The following FRY variants were observed in gnomAD, a reference collection of about 807,000 sequenced individuals.
FRY encodes FRY microtubule binding protein.
Under a neutral mutation model 348.4 loss-of-function variants are expected in FRY, and 128 were observed. The ratio of observed to expected loss-of-function variants is 0.37; its 90% CI spans 0.32 to 0.43. The LOEUF (loss-of-function observed/expected upper bound fraction) is 0.43, where lower values mean the gene tolerates loss of function less well. Among genes scored for constraint, FRY ranks in the 20% least tolerant of loss-of-function variants. The pLI is 1.00. For missense variants in FRY, 2,736 were observed against 3,695.2 expected, an observed-to-expected ratio of 0.74 and a Z score of 6.73; for synonymous variants, 1,370 against 1,374.7, an observed-to-expected ratio of 1.00 and a Z score of 0.08.
chr13:32,278,606 T>C, intron 58 of FRY, 58 bp downstream of exon 58: 1 of 951,976 alleles, frequency 1.1e-6, no homozygotes. Context: ...GTATTAGTTT[T>C]GGTCTACCCA....
At chr13:32,105,710 A>T (rs1877492393) in intron 3 of FRY, among the ~76,000 whole-genome samples, 1 of 152,192 alleles carries the variant, frequency 6.6e-6, no homozygotes, top group East Asian at 1.9e-4. Context: ...GCATTTATTT[A>T]GTACTTATAT....
At chr13:32,270,005 T>G (rs1465225436) in intron 55 of FRY, among the ~76,000 whole-genome samples, 1 of 152,192 alleles carries the variant, frequency 6.6e-6, no homozygotes, top group Non-Finnish European at 1.5e-5. Flanking sequence ...TAATGTCATG[T>G]CTGAGATTAA....
chr13:32,124,332 A>G lies in FRY; in HGVS notation c.511A>G (p.Ile171Val). 1 of 1,600,250 alleles carries G rather than the reference A, an allele frequency of 6.2e-7. No individual in the cohort carries two copies. Residue 171 changes from isoleucine (I) to valine (V), a missense_variant, in exon 5 of 61, where the codon ATT becomes GTT. Ile to Val is a conservative substitution (Grantham distance 29). This residue lies in a region of FRY where 309 missense variants were observed against 418.1 expected (regional missense o/e 0.74). Transcript: ENST00000542859. ...DYLMERRDLAIDFIFSLVLIE... is the reference protein window; with the variant it reads ...DYLMERRDLAVDFIFSLVLIE... ...TTTAATGGAAAGACGGGACCTCGCC[A>G]TTGATTTTATTTTTTCTTTAGTATT...
chr13:32,231,122 G>C, intron 40 of FRY, 57 bp from the exon 41 acceptor site: 2 of 1,553,528 alleles, frequency 1.3e-6, no homozygotes, highest in Non-Finnish European at 1.8e-6. Context: ...TGTATGTGTA[G>C]TTTTAAAAAT....
intron 10 of FRY, among the ~76,000 whole-genome samples, chr13:32,135,458 TA>T (rs1220700882): frequency 6.6e-6 from 1 of 152,218 alleles, no homozygotes; most frequent in African/African-American, 2.4e-5. Flanking sequence ...ACTTGATTTT[TA>T]TTTTAATTTC....
Position 32,185,056 on chromosome 13 carries a change from T to A in FRY, c.3227T>A (p.Leu1076Gln). 1 of 1,613,856 alleles carries A rather than the reference T, an allele frequency of 6.2e-7. No individual in the cohort carries two copies. Among genetic ancestry groups the A allele is most frequent in the Non-Finnish European group, 8.5e-7 (1 of 1,179,724 alleles). ...TATGTGGACTTGACCCGCATGCTCC[T>A]AGAAGCTGAAAATGACAAAGAAGTT... The part of the protein sequence containing the change: ...LEYVDLTRML[L>Q]EAENDKEVEI... The change falls in exon 26 of 61, where the codon CTA (leucine) becomes CAA (glutamine). Residue 1076 changes from leucine to glutamine, a missense_variant. Coordinates refer to ENST00000542859, the MANE Select transcript of FRY (RefSeq NM_023037.3).
rs776850261 is a variant in FRY, at chr13:32,212,300, T to C, written c.4600T>C (p.Ser1534Pro). The C allele has an allele frequency of 2.9e-5, 46 of 1,602,438 alleles. No homozygotes were observed. The highest frequency in any genetic ancestry group is 3.8e-5 in the Non-Finnish European group (45 of 1,170,192). The change falls in exon 35 of 61, where the codon TCT becomes CCT. Residue 1534 changes from serine (S) to proline (P), a missense_variant. Physicochemically the swap from Ser to Pro is moderately conservative, Grantham distance 74 (BLOSUM62 -1). Transcript: ENST00000542859. Reference protein sequence around the residue: ...KASAAASGTTSSSNTVVAGQE... With the variant: ...KASAAASGTTPSSNTVVAGQE... ...TCCATTCCCATCTACAGGAACCACC[T>C]CTAGCAGCAATACAGTGGTTGCTGG...
Position 32,182,940 on chromosome 13 carries a change from A to G in FRY, c.2997-37A>G, listed in dbSNP as rs755610888. 1.6e-5 allele frequency: 22 copies of G among 1,398,696 alleles called. No individual in the cohort carries two copies. The East Asian group carries it at 4.8e-4, about 30-fold the overall frequency. 86.6% of individuals were successfully genotyped at this position (1,398,696 alleles called of 1,614,324 possible). ...ATTTAGTGACAAGTTTGGTGTCAAA[A>G]ACAATGAATTTCAAATTTGACCTTT... On this transcript the variant is annotated intron_variant, in intron 23 of 60. Transcript: ENST00000542859.
intron 16 of FRY, among the ~76,000 whole-genome samples, chr13:32,158,607 A>T (rs374073852): frequency 2.0e-5 from 3 of 152,202 alleles, no homozygotes; most frequent in Non-Finnish European, 2.9e-5. Context: ...TTTTCAATTT[A>T]TAATGTAGAA....
chr13:32,218,611 G>T, intron 35 of FRY, 138 bp from the exon 36 acceptor site: 1 of 617,892 alleles, frequency 1.6e-6, no homozygotes, highest in South Asian at 1.7e-5. Context: ...CCTGGAAGGC[G>T]GAGATTGCAG....
chr13:32,216,047 T>C (rs1884973989), intron 35 of FRY, among the ~76,000 whole-genome samples: 1 of 152,182 alleles, frequency 6.6e-6, no homozygotes, highest in African/African-American at 2.4e-5. Context: ...CACAAATATA[T>C]ATTAACTATC....
rs987797658 is a variant in FRY, at chr13:32,126,196, T to A, written c.716+1321T>A. On this transcript the variant is annotated intron_variant, in intron 7 of 60. Coordinates refer to ENST00000542859, the MANE Select transcript of FRY (RefSeq NM_023037.3). ...GATTGGGAAAAATGAGGTATTAACA[T>A]GTATACTTGCTGATTTGTCAAACCC... Among the ~76,000 whole-genome samples, 5 of 152,338 alleles carry A rather than the reference T, an allele frequency of 3.3e-5. No homozygotes were observed. The East Asian group carries it at 9.6e-4, about 29-fold the overall frequency.
chr13:32,162,732 A>AC (rs1881522128), intron 17 of FRY, among the ~76,000 whole-genome samples: 1 of 151,922 alleles, frequency 6.6e-6, no homozygotes, highest in African/African-American at 2.4e-5. Flanking sequence ...TGCCAATGTC[A>AC]CCCAGCCCTG....
Position 32,124,589 on chromosome 13 carries a change from C to T in FRY, c.556-13C>T. On this transcript the variant is annotated splice_polypyrimidine_tract_variant and intron_variant, in intron 5 of 60. Coordinates refer to ENST00000542859, the MANE Select transcript of FRY (RefSeq NM_023037.3). The stretch of plus-strand genomic sequence containing the variant: ...TATTCCCTTCTGAGTTAAGAACCAC[C>T]TTTTTTTTTCAGATTCCACTTCATC... 6.7e-7 allele frequency: 1 copy of T among 1,501,336 alleles called. No individual in the cohort carries two copies. The highest frequency in any genetic ancestry group is 9.3e-7 in the Non-Finnish European group (1 of 1,080,616). 93.0% of individuals were successfully genotyped at this position (1,501,336 alleles called of 1,614,324 possible).
At chr13:32,166,368 A>G (rs1224854229) in intron 17 of FRY, among the ~76,000 whole-genome samples, 1 of 152,172 alleles carries the variant, frequency 6.6e-6, no homozygotes, top group African/African-American at 2.4e-5. Context: ...CTCTATGAAG[A>G]TGGCCCAGCT....
At chr13:32,153,096 TA>T (rs1283271028) in intron 14 of FRY, among the ~76,000 whole-genome samples, 1 of 152,174 alleles carries the variant, frequency 6.6e-6, no homozygotes, top group Non-Finnish European at 1.5e-5. Flanking sequence ...CATACTATTC[TA>T]GTGAGATTAC....
chr13:32,105,477 C>G (rs1453248036), intron 3 of FRY, among the ~76,000 whole-genome samples: 2 of 152,206 alleles, frequency 1.3e-5, no homozygotes, highest in Non-Finnish European at 2.9e-5. Context: ...AACCAACAAA[C>G]TATAAGAATT....
At chr13:32,187,711 T>TAACTCAAC in intron 28 of FRY, 55 bp downstream of exon 28, 4 of 947,096 alleles carry the variant, frequency 4.2e-6, no homozygotes, top group Non-Finnish European at 7.0e-6. Context: ...TCTGCCTCAG[T>TAACTCAAC]TGAGTTACTG....
rs548568636 is a variant in FRY, at chr13:32,189,337, A to T, written c.3591+1681A>T. On this transcript the variant is annotated intron_variant, in intron 28 of 60. Coordinates refer to ENST00000542859, the MANE Select transcript of FRY (RefSeq NM_023037.3). ...GCACAAGTTTATTTTGGTGCAAAAA[A>T]TTTTTAATCCATGCATAATTTTTTC... 3.3e-5 allele frequency among the ~76,000 whole-genome samples: 5 copies of T among 152,162 alleles called. No individual in the cohort carries two copies. In the South Asian group the frequency reaches 1.0e-3, roughly 32 times the overall value.
Sources: allele counts gnomAD v4.1 joint callset (sites outside exome capture counted in the v4.1 genomes callset), GRCh38; gene constraint gnomAD v4.1.1; regional missense constraint gnomAD v4.1.1; transcripts MANE v1.5; gene names NCBI Gene and HGNC (gene_info 2026-07-23, HGNC 2026-07-21).